Variants in UBE2E2 observed in about 807,000 individuals in gnomAD.
UBE2E2 encodes ubiquitin-conjugating enzyme E2 E2.
In UBE2E2, 6 loss-of-function variants were observed where a neutral mutation model predicts 24.7. The ratio of observed to expected loss-of-function variants is 0.24; its 90% CI spans 0.13 to 0.48. The LOEUF (loss-of-function observed/expected upper bound fraction) is 0.48, where lower values mean the gene tolerates loss of function less well. UBE2E2 is among the 20% of genes least tolerant of loss of function. The pLI is 0.99. For synonymous variants in UBE2E2, 104 were observed against 83.6 expected (o/e 1.24, Z -1.33); for missense variants, 169 against 245.0 (o/e 0.69, Z 2.07).
At position 23,208,792 on chromosome 3, in the gene UBE2E2, AGAAAGAGAAC is replaced by A; in HGVS notation, c.94_103del (p.Glu32LysfsTer103). On this transcript the variant is annotated frameshift_variant, in exon 2 of 6. Transcript: ENST00000396703. LOFTEE classifies it high-confidence loss of function. ...AACGTGAAAGTGTTCAGCAAGAACC[AGAAAGAGAAC>A]AAGTTCAGCCCAAGAAAAAGGAGGG... is the stretch of plus-strand genomic sequence containing the variant. The A allele has an allele frequency of 6.2e-7, 1 of 1,613,842 alleles. No homozygotes were observed. Among genetic ancestry groups the A allele is most frequent in the Non-Finnish European group, 8.5e-7 (1 of 1,179,800 alleles).
intron 3 of UBE2E2, among the ~76,000 whole-genome samples, chr3:23,230,320 C>G (rs1381486249): frequency 6.6e-6 from 1 of 152,188 alleles, no homozygotes; most frequent in African/African-American, 2.4e-5. Flanking sequence ...ATAGGACTTC[C>G]TCAAGGATGT....
intron 3 of UBE2E2, among the ~76,000 whole-genome samples, chr3:23,351,035 C>G (rs1325927124): frequency 2.0e-5 from 3 of 152,328 alleles, no homozygotes; most frequent in Non-Finnish European, 2.9e-5. Flanking sequence ...AACAGCAGAT[C>G]TCTCGGCAGA....
At position 23,509,470 on chromosome 3, in the gene UBE2E2, G is replaced by A. The variant is rs536464312; in HGVS notation, c.360+9730G>A. Reference sequence around the variant, plus strand: ...TTATTTGTGACGTTATTTTGTTCAAGCTGGGATACAGTAGGCAGGTCTGAG... The same window carrying A: ...TTATTTGTGACGTTATTTTGTTCAAACTGGGATACAGTAGGCAGGTCTGAG... On this transcript the variant is annotated intron_variant, in intron 4 of 5. Coordinates refer to ENST00000396703, the MANE Select transcript of UBE2E2 (RefSeq NM_152653.4). 8.7e-4 allele frequency among the ~76,000 whole-genome samples: 133 copies of A among 152,270 alleles called. 2 individuals carry two copies. The South Asian group carries it at 0.026, about 30-fold the overall frequency.
chr3:23,253,862 T>C (rs566183394), intron 3 of UBE2E2, among the ~76,000 whole-genome samples: 3 of 152,196 alleles, frequency 2.0e-5, no homozygotes, highest in African/African-American at 7.2e-5. Flanking sequence ...ATATGAAAAA[T>C]CCCTAGAAAA....
chr3:23,453,092 G>A (rs1698601770), intron 3 of UBE2E2, among the ~76,000 whole-genome samples: 1 of 152,138 alleles, frequency 6.6e-6, no homozygotes, highest in African/African-American at 2.4e-5. Flanking sequence ...ATTTGGCAGT[G>A]GGGAAATAAT....
chr3:23,330,067 T>TCG, intron 3 of UBE2E2, among the ~76,000 whole-genome samples: 1 of 152,326 alleles, frequency 6.6e-6, no homozygotes, highest in East Asian at 1.9e-4. Flanking sequence ...TTTAGTACAG[T>TCG]AGGCATGGGA....
At chr3:23,529,630 A>G (rs1163521620) in intron 4 of UBE2E2, among the ~76,000 whole-genome samples, 3 of 152,116 alleles carry the variant, frequency 2.0e-5, no homozygotes, top group Non-Finnish European at 4.4e-5. Context: ...TGCCAATAAT[A>G]TTATTTTCCC....
At chr3:23,291,687 T>A (rs1229056047) in intron 3 of UBE2E2, among the ~76,000 whole-genome samples, 1 of 141,398 alleles carries the variant, frequency 7.1e-6, no homozygotes. Context: ...AAGGGGCTTT[T>A]TTTTTTTTTT....
At chr3:23,291,003 A>G (rs1209945698) in intron 3 of UBE2E2, among the ~76,000 whole-genome samples, 7 of 150,020 alleles carry the variant, frequency 4.7e-5, no homozygotes, top group African/African-American at 1.7e-4. Context: ...TAGGAGTTCA[A>G]GGCTGCAGTC....
chr3:23,463,423 T>C (rs1053856718), intron 3 of UBE2E2, among the ~76,000 whole-genome samples: 1 of 152,098 alleles, frequency 6.6e-6, no homozygotes, highest in African/African-American at 2.4e-5. Context: ...AATACTGCTT[T>C]ACTATAAGCA....
chr3:23,518,874 T>C (rs78904134), intron 4 of UBE2E2, among the ~76,000 whole-genome samples: 4,396 of 152,332 alleles, frequency 0.029, 109 homozygotes, highest in East Asian at 0.13. Flanking sequence ...AAGAAAATGG[T>C]ATTAATCATA....
chr3:23,223,812 AT>A lies in UBE2E2; in HGVS notation c.227+6508del, dbSNP rs561434430. Among the ~76,000 whole-genome samples the A allele has an allele frequency of 6.6e-5, 10 of 151,930 alleles. No individual in the cohort carries two copies. In the East Asian group the frequency reaches 1.9e-3, roughly 29 times the overall value. ...CAAGTCTTTAATCCATTTTGGTTTGATTTTTTTTGTGTATGGTGAGAGATAG... is the reference window on the plus strand; with the variant it reads ...CAAGTCTTTAATCCATTTTGGTTTGATTTTTTTGTGTATGGTGAGAGATAG... On this transcript the variant is annotated intron_variant, in intron 3 of 5. Transcript: ENST00000396703.
At chr3:23,382,185 T>TTC (rs1364636089) in intron 3 of UBE2E2, among the ~76,000 whole-genome samples, 1 of 144,634 alleles carries the variant, frequency 6.9e-6, no homozygotes, top group African/African-American at 2.5e-5. Flanking sequence ...TTAATTTTTT[T>TTC]TTTTTTTTTT....
chr3:23,296,623 G>A (rs1046187890), intron 3 of UBE2E2, among the ~76,000 whole-genome samples: 1 of 152,096 alleles, frequency 6.6e-6, no homozygotes, highest in African/African-American at 2.4e-5. Context: ...CCATGTCCCT[G>A]CAAAGGACAT....
Position 23,532,665 on chromosome 3 carries a change from C to A in UBE2E2, c.472C>A (p.Leu158Ile). 2 of 1,565,462 alleles carry A rather than the reference C, an allele frequency of 1.3e-6. No homozygotes were observed. The highest frequency in any genetic ancestry group is 1.7e-6 in the Non-Finnish European group (2 of 1,146,462). The change falls in exon 5 of 6, where the codon CTC (leucine) becomes ATC (isoleucine). Residue 158 changes from leucine to isoleucine, a missense_variant. Physicochemically the swap from Leu to Ile is conservative, Grantham distance 5. Around this residue, in one of 2 missense-constraint regions of UBE2E2, gnomAD observed 105 missense variants for 180.7 expected, o/e 0.58. Coordinates refer to ENST00000396703, the MANE Select transcript of UBE2E2 (RefSeq NM_152653.4). ...SPALTISKVL[L>I]SICSLLTDCN... ...GGCTTTAACTATTTCTAAAGTTCTC[C>A]TCTCCATCTGCTCACTTCTTACAGA...
chr3:23,359,554 A>T (rs559823848), intron 3 of UBE2E2, among the ~76,000 whole-genome samples: 1 of 152,272 alleles, frequency 6.6e-6, no homozygotes, highest in South Asian at 2.1e-4. Flanking sequence ...CTTTAATGGT[A>T]GCATATTTGA....
chr3:23,380,128 T>C (rs1696631143), intron 3 of UBE2E2, among the ~76,000 whole-genome samples: 1 of 151,532 alleles, frequency 6.6e-6, no homozygotes, highest in Non-Finnish European at 1.5e-5. Flanking sequence ...AACTTCTCTA[T>C]TGGAAATTTA....
At chr3:23,540,605 A>G (rs571719535) in intron 5 of UBE2E2, among the ~76,000 whole-genome samples, 1 of 152,236 alleles carries the variant, frequency 6.6e-6, no homozygotes, top group Admixed American at 6.5e-5. Context: ...GGGTTTCACC[A>G]TGTTGATCAG....
chr3:23,347,738 A>G (rs1431218624), intron 3 of UBE2E2, among the ~76,000 whole-genome samples: 1 of 152,162 alleles, frequency 6.6e-6, no homozygotes, highest in Non-Finnish European at 1.5e-5. Context: ...CGTATTTATC[A>G]GCTACAAAAG....
Sources: gnomAD v4.1 joint callset for allele counts (sites outside exome capture counted in the v4.1 genomes callset) on GRCh38, gnomAD v4.1.1 for gene constraint, gnomAD v4.1.1 regional missense constraint, MANE v1.5 for transcripts, NCBI Gene and HGNC (gene_info 2026-07-23, HGNC 2026-07-21) for gene names.